The following ZIM2 variants were observed in gnomAD, a reference collection of about 807,000 sequenced individuals.
The protein encoded by ZIM2 is zinc finger protein 656.
In ZIM2, 14 loss-of-function variants were observed where a neutral mutation model predicts 38.6. The observed-to-expected ratio is 0.36, with a 90% CI of 0.24 to 0.57. The LOEUF (loss-of-function observed/expected upper bound fraction) is 0.57. Ranked by LOEUF, ZIM2 falls within the 20% of genes least tolerant of loss-of-function variation. The pLI is 0.81. For missense variants in ZIM2, 680 were observed against 695.1 expected (o/e 0.98, Z 0.24); for synonymous variants, 247 against 245.8 (o/e 1.00, Z -0.04).
At chr19:56,791,562 G>A (rs900106607) in intron 9 of ZIM2, among the ~76,000 whole-genome samples, 1 of 152,120 alleles carries the variant, frequency 6.6e-6, no homozygotes, top group Admixed American at 6.5e-5. Flanking sequence ...TATAATTAAG[G>A]CCTGTGAATG....
chr19:56,833,250 T>C (rs975910905), intron 2 of ZIM2: 2 of 481,954 alleles, frequency 4.1e-6, no homozygotes, highest in Non-Finnish European at 8.3e-6. Flanking sequence ...TCCCTCACCA[T>C]GGTGCACCTA....
intron 9 of ZIM2, chr19:56,817,127 A>G: frequency 6.2e-7 from 1 of 1,614,172 alleles, no homozygotes; most frequent in African/African-American, 1.3e-5. Flanking sequence ...GACTCGGTAA[A>G]GGAGGGGGAG....
At chr19:56,834,981 CT>C (rs1463819586) in intron 2 of ZIM2, among the ~76,000 whole-genome samples, 1 of 152,182 alleles carries the variant, frequency 6.6e-6, no homozygotes, top group Admixed American at 6.5e-5. Flanking sequence ...TATGTGCTTG[CT>C]TCCCCACATC....
At chr19:56,777,710 G>T (rs890403181) in intron 12 of ZIM2, among the ~76,000 whole-genome samples, 1 of 152,216 alleles carries the variant, frequency 6.6e-6, no homozygotes, top group Non-Finnish European at 1.5e-5. Context: ...TAGTGTAAAT[G>T]TAAGTAGCCA....
At chr19:56,796,940 C>T (rs117197780) in intron 9 of ZIM2, among the ~76,000 whole-genome samples, 168 of 152,256 alleles carry the variant, frequency 1.1e-3, no homozygotes, top group Middle Eastern at 3.4e-3. Context: ...TACGTAAAGA[C>T]TAAACTAAGC....
chr19:56,832,968 A>G (rs1371662882), intron 2 of ZIM2, among the ~76,000 whole-genome samples: 1 of 152,212 alleles, frequency 6.6e-6, no homozygotes, highest in Admixed American at 6.5e-5. Context: ...TCTTACAATT[A>G]ATATAACACA....
chr19:56,804,552 C>T (rs569843559), intron 9 of ZIM2, among the ~76,000 whole-genome samples: 4 of 152,314 alleles, frequency 2.6e-5, no homozygotes, highest in Admixed American at 1.3e-4. Context: ...ACATGCTTGA[C>T]GTACTATGAT....
intron 9 of ZIM2, among the ~76,000 whole-genome samples, chr19:56,803,860 G>C (rs758750): frequency 0.99 from 151,563 of 152,370 alleles, 75,381 homozygotes; most frequent in East Asian, 1. Context: ...GGAAAAAGGC[G>C]ACCAAATGGG....
At chr19:56,803,233 G>GA (rs1342618081) in intron 9 of ZIM2, among the ~76,000 whole-genome samples, 2 of 152,180 alleles carry the variant, frequency 1.3e-5, no homozygotes, top group Non-Finnish European at 2.9e-5. Flanking sequence ...GTAACAGCTT[G>GA]AACCCTGCCA....
chr19:56,792,702 C>T (rs2047003748), intron 9 of ZIM2, among the ~76,000 whole-genome samples: 2 of 152,050 alleles, frequency 1.3e-5, no homozygotes, highest in South Asian at 4.2e-4. Context: ...AACTGCCTAT[C>T]CAGTACTATG....
chr19:56,831,311 G>A (rs781129739), intron 2 of ZIM2, among the ~76,000 whole-genome samples: 3 of 152,178 alleles, frequency 2.0e-5, no homozygotes, highest in African/African-American at 4.8e-5. Context: ...ATAAAGGACT[G>A]GAAATGGATT....
At chr19:56,796,832 CAA>C (rs2047255073) in intron 9 of ZIM2, among the ~76,000 whole-genome samples, 1 of 152,202 alleles carries the variant, frequency 6.6e-6, no homozygotes, top group Non-Finnish European at 1.5e-5. Flanking sequence ...GTGAAAAAGG[CAA>C]GTTTATTAGA....
chr19:56,817,930 A>G (rs1568650025), intron 8 of ZIM2, 92 bp from the exon 9 acceptor site: 1 of 948,542 alleles, frequency 1.1e-6, no homozygotes, highest in African/African-American at 1.6e-5. Flanking sequence ...TGAGCCACTA[A>G]ATATGAGGTG....
chr19:56,790,628 G>A (rs1409667764), intron 9 of ZIM2, among the ~76,000 whole-genome samples: 2 of 152,204 alleles, frequency 1.3e-5, no homozygotes, highest in African/African-American at 4.8e-5. Context: ...CACATGAGTA[G>A]TGATGCTAAC....
In ZIM2 at chr19:56,816,402, A is replaced by G. The variant is rs144022327; in HGVS notation, c.490+1344T>C. On this transcript the variant is annotated intron_variant, in intron 9 of 12. Coordinates refer to ENST00000629319, the MANE Select transcript of ZIM2 (RefSeq NM_001387356.1). ...CTGTAAAGTCACAGAGCTTCTCCTT[A>G]TTGTAAGTTTTCTGACGCCTTTTAA... 1,116 of 1,613,706 alleles carry G rather than the reference A, an allele frequency of 6.9e-4. 1 individual carries two copies. The highest frequency in any genetic ancestry group is 9.0e-4 in the Non-Finnish European group (1,066 of 1,179,806).
intron 9 of ZIM2, among the ~76,000 whole-genome samples, chr19:56,791,605 T>C (rs2046933870): frequency 6.6e-6 from 1 of 152,234 alleles, no homozygotes; most frequent in Non-Finnish European, 1.5e-5. Flanking sequence ...ACATTCCCAA[T>C]AACTTACATC....
chr19:56,820,440 G>A (rs947972779), intron 7 of ZIM2, among the ~76,000 whole-genome samples: 10 of 152,156 alleles, frequency 6.6e-5, no homozygotes, highest in Non-Finnish European at 1.3e-4. Flanking sequence ...CATTTAAAAA[G>A]CAAAACAAGA....
chr19:56,796,430 T>C (rs957277813), intron 9 of ZIM2, among the ~76,000 whole-genome samples: 1 of 152,138 alleles, frequency 6.6e-6, no homozygotes, highest in East Asian at 1.9e-4. Flanking sequence ...TTAGAGATGA[T>C]GTCTCACTCT....
intron 2 of ZIM2, among the ~76,000 whole-genome samples, chr19:56,829,524 T>C (rs1261986534): frequency 6.6e-6 from 1 of 152,206 alleles, no homozygotes; most frequent in African/African-American, 2.4e-5. Flanking sequence ...GTTGTGTTAC[T>C]GCTATGTAAC....
Sources: allele counts gnomAD v4.1 joint callset (sites outside exome capture counted in the v4.1 genomes callset), GRCh38; gene constraint gnomAD v4.1.1; transcripts MANE v1.5; gene names NCBI Gene and HGNC (gene_info 2026-07-23, HGNC 2026-07-21).